Variants in KAZN observed in about 807,000 individuals in gnomAD.
KAZN encodes the protein kazrin.
Under a neutral mutation model 87.4 loss-of-function variants are expected in KAZN, and 40 were observed. The observed-to-expected ratio is 0.46, with a 90% confidence interval of 0.36 to 0.60. The LOEUF is 0.60. Among genes scored for constraint, KAZN ranks in the 20% least tolerant of loss-of-function variants. The pLI, the probability that KAZN is intolerant of heterozygous loss-of-function variation, is 0.00. For synonymous variants in KAZN, 466 were observed against 458.3 expected (o/e 1.02, Z -0.22); for missense variants, 898 against 1,073.9 (o/e 0.84, Z 2.29).
At chr1:14,957,129 T>A (rs532276282) in intron 1 of KAZN, among the ~76,000 whole-genome samples, 6 of 152,290 alleles carry the variant, frequency 3.9e-5, no homozygotes, top group African/African-American at 1.4e-4. Flanking sequence ...TTCTCTCTCC[T>A]GGCCTGGAAT....
At chr1:14,819,917 C>G (rs1646688936) in intron 1 of KAZN, among the ~76,000 whole-genome samples, 1 of 151,998 alleles carries the variant, frequency 6.6e-6, no homozygotes, top group African/African-American at 2.4e-5. Flanking sequence ...ACCATGTTGG[C>G]CAGGCTGGTC....
At chr1:14,722,870 A>G (rs1643189639) in intron 1 of KAZN, among the ~76,000 whole-genome samples, 1 of 152,170 alleles carries the variant, frequency 6.6e-6, no homozygotes, top group Admixed American at 6.5e-5. Flanking sequence ...TCATGCCTGT[A>G]ATCCCAACCC....
rs58006026 is a variant in KAZN at position 14,874,470 on chromosome 1, CTGGATGGATGGATGGA to C, written c.227-86177_227-86162del. Among the ~76,000 whole-genome samples, 122 of 148,100 alleles carry C rather than the reference CTGGATGGATGGATGGA, an allele frequency of 8.2e-4. 1 individual carries two copies. The highest frequency in any genetic ancestry group is 4.6e-3 in the East Asian group (23 of 4,954). On this transcript the variant is annotated intron_variant, in intron 1 of 14. Coordinates refer to ENST00000376030, the MANE Select transcript of KAZN (RefSeq NM_201628.3). ...CATGAATCGCTAGCTAGCTGGCTGACTGGATGGATGGATGGATGGATGGATGGATGGATGGATGGAT... is the reference window on the plus strand; with the variant it reads ...CATGAATCGCTAGCTAGCTGGCTGACTGGATGGATGGATGGATGGATGGAT...
At chr1:14,413,063 T>TC (rs1407626039) in intron 2 of KAZN, among the ~76,000 whole-genome samples, 25 of 149,412 alleles carry the variant, frequency 1.7e-4, no homozygotes, top group Non-Finnish European at 2.2e-4. Flanking sequence ...GCATTCTACT[T>TC]TGGGTCATTG....
chr1:14,745,401 G>T (rs916228029), intron 1 of KAZN, among the ~76,000 whole-genome samples: 2 of 152,090 alleles, frequency 1.3e-5, no homozygotes, highest in Admixed American at 1.3e-4. Context: ...TGGCACAATC[G>T]TGGGCCTTTT....
At chr1:14,701,277 T>C (rs10803302) in intron 1 of KAZN, among the ~76,000 whole-genome samples, 79,182 of 151,986 alleles carry the variant, frequency 0.52, 20,817 homozygotes, top group South Asian at 0.63. Flanking sequence ...TGTGCCACCA[T>C]GCCTGGCTAA....
At chr1:14,288,671 C>G (rs1413331419) in intron 2 of KAZN, among the ~76,000 whole-genome samples, 1 of 152,140 alleles carries the variant, frequency 6.6e-6, no homozygotes, top group Non-Finnish European at 1.5e-5. Context: ...TTTTGTGTCT[C>G]TCTATCTCCT....
intron 2 of KAZN, chr1:14,350,906 G>A (rs1199065318): frequency 6.6e-6 from 1 of 152,268 alleles, no homozygotes; most frequent in East Asian, 1.9e-4. Context: ...AACATTTGAT[G>A]TCCCCTGAGT....
chr1:14,965,647 C>T (rs1330305297), intron 2 of KAZN, among the ~76,000 whole-genome samples: 1 of 152,214 alleles, frequency 6.6e-6, no homozygotes, highest in Non-Finnish European at 1.5e-5. Context: ...TATTATTAGA[C>T]ACTTAAGTTG....
rs753723990 is a variant in KAZN at position 14,405,733 on chromosome 1, T to C, written c.250-193250T>C. ...AAGTTCCAAAGATCTTCAGGGTGAGTTGACAAGCTGGAGACCCCAGAAAGC... is the reference window on the plus strand; with the variant it reads ...AAGTTCCAAAGATCTTCAGGGTGAGCTGACAAGCTGGAGACCCCAGAAAGC... On this transcript the variant is annotated intron_variant, in intron 2 of 16. Coordinates refer to the KAZN transcript ENST00000636203. Among the ~76,000 whole-genome samples, 116 of 151,326 alleles carry C rather than the reference T, an allele frequency of 7.7e-4. 3 individuals are homozygous for C. The highest frequency in any genetic ancestry group is 4.6e-4 in the Admixed American group (7 of 15,150).
chr1:15,075,809 G>T (rs1184935495), intron 8 of KAZN, among the ~76,000 whole-genome samples: 1 of 152,170 alleles, frequency 6.6e-6, no homozygotes, highest in Non-Finnish European at 1.5e-5. Context: ...TTATTTTCCT[G>T]CTCTCCTAGG....
chr1:14,626,456 G>T (rs895249606), intron 1 of KAZN, among the ~76,000 whole-genome samples: 1 of 152,122 alleles, frequency 6.6e-6, no homozygotes, highest in Non-Finnish European at 1.5e-5. Flanking sequence ...TACCTATTTC[G>T]CAGATGAGAA....
chr1:14,253,137 C>T (rs576546427), intron 2 of KAZN, among the ~76,000 whole-genome samples: 13 of 144,672 alleles, frequency 9.0e-5, no homozygotes, highest in South Asian at 4.4e-4. Context: ...AAAAAAAAAA[C>T]GGCCCCACCC....
At chr1:14,160,150 CAGTCCT>C (rs957669945) in intron 1 of KAZN, among the ~76,000 whole-genome samples, 1 of 152,226 alleles carries the variant, frequency 6.6e-6, no homozygotes, top group African/African-American at 2.4e-5. Context: ...CTAGGAGTTG[CAGTCCT>C]TTTGGCCTAG....
At chr1:15,011,420 C>G (rs1276576027) in intron 2 of KAZN, among the ~76,000 whole-genome samples, 1 of 152,204 alleles carries the variant, frequency 6.6e-6, no homozygotes, top group South Asian at 2.1e-4. Flanking sequence ...GAACGTGCAG[C>G]CTTGAGAGGT....
At chr1:14,999,504 C>T (rs1011052687) in intron 2 of KAZN, among the ~76,000 whole-genome samples, 11 of 142,198 alleles carry the variant, frequency 7.7e-5, no homozygotes, top group Admixed American at 2.0e-4. Context: ...GCCCCCCTCC[C>T]CCCGCCCCGC....
chr1:14,368,015 G>A (rs896670844), intron 2 of KAZN, among the ~76,000 whole-genome samples: 1 of 152,206 alleles, frequency 6.6e-6, no homozygotes, highest in Non-Finnish European at 1.5e-5. Flanking sequence ...TCACATCTTG[G>A]TTTCACCCCC....
At chr1:14,524,160 T>G (rs1181970988) in intron 2 of KAZN, among the ~76,000 whole-genome samples, 1 of 152,094 alleles carries the variant, frequency 6.6e-6, no homozygotes, top group Non-Finnish European at 1.5e-5. Context: ...TAGCTGGGAT[T>G]ACAGGCATGC....
chr1:14,444,592 C>T (rs935985924), intron 2 of KAZN, among the ~76,000 whole-genome samples: 3 of 152,092 alleles, frequency 2.0e-5, no homozygotes, highest in East Asian at 1.9e-4. Context: ...GGATTACAGG[C>T]GTGAGCCACC....
Sources: gnomAD v4.1 joint callset for allele counts (sites outside exome capture counted in the v4.1 genomes callset) on GRCh38, gnomAD v4.1.1 for gene constraint, MANE v1.5 for transcripts, NCBI Gene and HGNC (gene_info 2026-07-23, HGNC 2026-07-21) for gene names.